The following CDK5RAP2 variants were observed in gnomAD, a reference collection of about 807,000 sequenced individuals.
The protein encoded by CDK5RAP2 is CDK5 regulatory subunit associated protein 2, also known as CDK5 regulatory subunit-associated protein 2.
A neutral mutation model predicts 232.9 loss-of-function variants in CDK5RAP2; 147 were observed. The observed-to-expected ratio is 0.63, with a 90% CI of 0.55 to 0.72. The LOEUF (loss-of-function observed/expected upper bound fraction) is 0.72, where lower values mean the gene tolerates loss of function less well. Ranked by LOEUF, CDK5RAP2 falls within the 30% of genes least tolerant of loss-of-function variation. The pLI, the probability that CDK5RAP2 is intolerant of heterozygous loss-of-function variation, is 0.00. For missense variants in CDK5RAP2, 2,195 were observed against 2,231.5 expected (o/e 0.98, Z 0.33); for synonymous variants, 833 against 833.7 (o/e 1.00, Z 0.01).
rs756264059 is a variant in CDK5RAP2, at chr9:120,389,307, A to G, written c.5626-15T>C. 18 of 1,604,744 alleles carry G rather than the reference A, an allele frequency of 1.1e-5. No homozygotes were observed. Among genetic ancestry groups the G allele is most frequent in the African/African-American group, 4.0e-5 (3 of 74,832 alleles). On this transcript the variant is annotated splice_polypyrimidine_tract_variant and intron_variant, in intron 37 of 37. Transcript: ENST00000349780. ...CCAGGCCTAAGCTAGGAAAAGGAAGAAAAAAAAGGAGAATTTTAAGTCCAA... is the reference window on the plus strand; with the variant it reads ...CCAGGCCTAAGCTAGGAAAAGGAAGGAAAAAAAGGAGAATTTTAAGTCCAA...
At chr9:120,499,867 T>C (rs1306995663) in intron 12 of CDK5RAP2, among the ~76,000 whole-genome samples, 1 of 152,226 alleles carries the variant, frequency 6.6e-6, no homozygotes, top group Non-Finnish European at 1.5e-5. Context: ...ATACAGTTTT[T>C]AAGTTTGGTA....
chr9:120,469,136 C>T (rs1294227834), intron 17 of CDK5RAP2, among the ~76,000 whole-genome samples: 1 of 152,154 alleles, frequency 6.6e-6, no homozygotes, highest in Non-Finnish European at 1.5e-5. Flanking sequence ...CCTATTCCTC[C>T]CAAAATACCC....
chr9:120,417,926 G>C (rs1026179512), intron 27 of CDK5RAP2, among the ~76,000 whole-genome samples: 3 of 152,170 alleles, frequency 2.0e-5, no homozygotes, highest in African/African-American at 7.2e-5. Flanking sequence ...GTGAAATCTG[G>C]AAATGACTTA....
chr9:120,397,357 T>C (rs549977785), intron 35 of CDK5RAP2, among the ~76,000 whole-genome samples: 5 of 152,034 alleles, frequency 3.3e-5, no homozygotes, highest in South Asian at 4.2e-4. Flanking sequence ...TAGAATCCAA[T>C]TGTATCATCT....
intron 29 of CDK5RAP2, 51 bp from the exon 30 acceptor site, chr9:120,409,367 A>G (rs1284891993): frequency 1.5e-6 from 2 of 1,322,968 alleles, no homozygotes; most frequent in African/African-American, 2.9e-5. Flanking sequence ...TGTTTTTTCC[A>G]ACCTTATTAT....
At chr9:120,460,536 G>A (rs2037024347) in intron 19 of CDK5RAP2, 36 bp downstream of exon 19, 13 of 1,587,298 alleles carry the variant, frequency 8.2e-6, no homozygotes, top group Non-Finnish European at 9.5e-6. Context: ...ATAGAGTGGA[G>A]TAGATGAAAT....
intron 24 of CDK5RAP2, among the ~76,000 whole-genome samples, chr9:120,437,982 T>A (rs149908358): frequency 3.9e-5 from 6 of 152,180 alleles, no homozygotes; most frequent in Non-Finnish European, 1.5e-5. Flanking sequence ...TAACTACCAT[T>A]TACTGAGGGT....
chr9:120,445,236 G>A (rs779210709), intron 22 of CDK5RAP2, among the ~76,000 whole-genome samples: 2 of 152,178 alleles, frequency 1.3e-5, no homozygotes, highest in African/African-American at 4.8e-5. Flanking sequence ...GTGTGTAAGT[G>A]TCTTTGCTCC....
chr9:120,554,000 T>C (rs958844864), intron 3 of CDK5RAP2, among the ~76,000 whole-genome samples: 18 of 152,174 alleles, frequency 1.2e-4, no homozygotes, highest in African/African-American at 3.4e-4. Flanking sequence ...AGTCAATTCA[T>C]CCATGGTTAA....
chr9:120,541,688 G>A (rs531549465), intron 5 of CDK5RAP2, among the ~76,000 whole-genome samples: 4 of 152,198 alleles, frequency 2.6e-5, no homozygotes, highest in Non-Finnish European at 5.9e-5. Flanking sequence ...GCCGCTACAC[G>A]TTTCCCCACT....
Position 120,530,119 on chromosome 9 carries a change from C to T in CDK5RAP2, c.684G>A (p.Leu228=). Residue 228 remains leucine (L), a synonymous_variant, in exon 8 of 38, where the codon CTG becomes CTA. Transcript: ENST00000349780. ...TTAAAGCTTCTTTGCTCTTCAAAGA[C>T]AGCTTCAACTCCTCAATCAGTCTAA... is the stretch of plus-strand genomic sequence containing the variant. ...EKDRLIEELK[L]SLKSKEALIQ... is the part of the protein sequence containing the mutation. 1.9e-6 allele frequency: 3 copies of T among 1,613,402 alleles called. No homozygotes were observed. The highest frequency in any genetic ancestry group is 1.7e-6 in the Non-Finnish European group (2 of 1,179,564).
intron 4 of CDK5RAP2, among the ~76,000 whole-genome samples, chr9:120,547,857 T>A (rs7853274): frequency 0.96 from 146,109 of 152,300 alleles, 70,352 homozygotes; most frequent in East Asian, 1. Context: ...GCACCTGTGA[T>A]GGACCAACCA....
At chr9:120,519,030 C>T (rs961926363) in intron 11 of CDK5RAP2, among the ~76,000 whole-genome samples, 1 of 151,924 alleles carries the variant, frequency 6.6e-6, no homozygotes, top group Non-Finnish European at 1.5e-5. Flanking sequence ...CAAAAATTAG[C>T]CAGGCGTGGA....
At chr9:120,492,770 G>A (rs1228087225) in intron 12 of CDK5RAP2, among the ~76,000 whole-genome samples, 1 of 152,114 alleles carries the variant, frequency 6.6e-6, no homozygotes, top group Non-Finnish European at 1.5e-5. Context: ...TTCTGAAACT[G>A]TGTGAGTATA....
intron 20 of CDK5RAP2, 77 bp downstream of exon 20, chr9:120,458,373 C>G: frequency 7.1e-7 from 1 of 1,404,526 alleles, no homozygotes; most frequent in South Asian, 1.2e-5. Context: ...GCACGATCAT[C>G]TAAACCCATT....
At chr9:120,579,646 G>A (rs2043165985) in intron 1 of CDK5RAP2, among the ~76,000 whole-genome samples, 1 of 152,098 alleles carries the variant, frequency 6.6e-6, no homozygotes, top group African/African-American at 2.4e-5. Flanking sequence ...CCCCACCCTC[G>A]TCCTACTCTT....
At chr9:120,458,239 G>A (rs2036891736) in intron 20 of CDK5RAP2, among the ~76,000 whole-genome samples, 1 of 151,974 alleles carries the variant, frequency 6.6e-6, no homozygotes, top group African/African-American at 2.4e-5. Context: ...TCTTTATAAT[G>A]GGCTTACATG....
chr9:120,484,319 C>T (rs2038479057), intron 14 of CDK5RAP2, among the ~76,000 whole-genome samples: 1 of 152,132 alleles, frequency 6.6e-6, no homozygotes, highest in Non-Finnish European at 1.5e-5. Context: ...GTCGGGGGTA[C>T]GACTGTAAGG....
In CDK5RAP2 at chr9:120,402,888, C is replaced by G. The variant is rs1588238882; in HGVS notation, c.5225G>C (p.Ser1742Thr). 1.9e-6 allele frequency: 3 copies of G among 1,614,124 alleles called. No individual in the cohort carries two copies. The highest frequency in any genetic ancestry group is 2.5e-6 in the Non-Finnish European group (3 of 1,180,030). The change falls in exon 34 of 38, where the codon AGC (serine) becomes ACC (threonine). Residue 1742 changes from serine (S) to threonine (T), a missense_variant. Physicochemically the swap from Ser to Thr is moderately conservative, Grantham distance 58. Coordinates refer to ENST00000349780, the MANE Select transcript of CDK5RAP2 (RefSeq NM_018249.6). Reference sequence around the variant, plus strand: ...TTCAGCAAGGAGCCTCTGTCCCTGGCTGATCTGTTTGAGCAGGGCCTCATA... The same window carrying G: ...TTCAGCAAGGAGCCTCTGTCCCTGGGTGATCTGTTTGAGCAGGGCCTCATA... ...EDYEALLKQI[S>T]QGQRLLAEMD...
Sources: gnomAD v4.1 joint callset for allele counts (sites outside exome capture counted in the v4.1 genomes callset) on GRCh38, gnomAD v4.1.1 for gene constraint, MANE v1.5 for transcripts, NCBI Gene and HGNC (gene_info 2026-07-23, HGNC 2026-07-21) for gene names.